The following SLC4A4 variants were observed in gnomAD, a reference collection of about 807,000 sequenced individuals.
SLC4A4 encodes the protein electrogenic sodium bicarbonate cotransporter 1.
A neutral mutation model predicts 111.5 loss-of-function variants in SLC4A4; 27 were observed. That is an observed-to-expected ratio of 0.24 (90% CI 0.18 to 0.33). The LOEUF is 0.33. SLC4A4 is among the 10% of genes least tolerant of loss of function. SLC4A4 has a pLI of 1.00. For synonymous variants in SLC4A4, 443 were observed against 463.4 expected (o/e 0.96, Z 0.57); for missense variants, 909 against 1,315.5 (o/e 0.69, Z 4.78).
At chr4:71,518,939 T>C (rs1383676157) in intron 16 of SLC4A4, among the ~76,000 whole-genome samples, 1 of 152,152 alleles carries the variant, frequency 6.6e-6, no homozygotes, top group Non-Finnish European at 1.5e-5. Context: ...CTGGTGTTGG[T>C]GTCCAAGGCA....
intron 1 of SLC4A4, chr4:71,235,952 C>A: frequency 2.5e-6 from 2 of 786,472 alleles, no homozygotes; most frequent in Non-Finnish European, 3.1e-6. Flanking sequence ...CTGGATAATC[C>A]TCAGATGTCA....
At chr4:71,230,954 G>GCA (rs1719383939) in intron 1 of SLC4A4, among the ~76,000 whole-genome samples, 1 of 152,350 alleles carries the variant, frequency 6.6e-6, no homozygotes, top group African/African-American at 2.4e-5. Context: ...CGGTAAAGCA[G>GCA]CAGGCTTTTT....
intron 2 of SLC4A4, among the ~76,000 whole-genome samples, chr4:71,121,816 A>T (rs1041045841): frequency 6.6e-6 from 1 of 152,104 alleles, no homozygotes; most frequent in Non-Finnish European, 1.5e-5. Context: ...CTTTGCAATA[A>T]ATCTCGCTGC....
At chr4:71,175,258 A>G (rs567828064) in intron 2 of SLC4A4, among the ~76,000 whole-genome samples, 1 of 152,378 alleles carries the variant, frequency 6.6e-6, no homozygotes, top group South Asian at 2.1e-4. Flanking sequence ...TACAGCTTCC[A>G]GCATGAGTGA....
chr4:71,414,636 A>G (rs1721680969), intron 7 of SLC4A4, among the ~76,000 whole-genome samples: 1 of 152,194 alleles, frequency 6.6e-6, no homozygotes, highest in Non-Finnish European at 1.5e-5. Flanking sequence ...AAGAGAATGC[A>G]TGTAAAACAA....
upstream of SLC4A4, among the ~76,000 whole-genome samples, chr4:71,184,366 T>C (rs574864523): frequency 6.6e-6 from 1 of 152,204 alleles, no homozygotes; most frequent in Non-Finnish European, 1.5e-5. Flanking sequence ...AGAGACATTA[T>C]GTCGTCATCA....
At chr4:71,426,941 G>A (rs890749306) in intron 7 of SLC4A4, among the ~76,000 whole-genome samples, 1 of 151,916 alleles carries the variant, frequency 6.6e-6, no homozygotes, top group East Asian at 1.9e-4. Context: ...CCCCACCAAG[G>A]GAGTGCTACA....
At chr4:71,490,319 T>C (rs1475270506) in intron 15 of SLC4A4, among the ~76,000 whole-genome samples, 2 of 151,868 alleles carry the variant, frequency 1.3e-5, no homozygotes, top group Admixed American at 6.6e-5. Context: ...TATTTTGTTT[T>C]TCCACATCAG....
chr4:71,201,311 C>T (rs1424272589), intron 1 of SLC4A4, among the ~76,000 whole-genome samples: 4 of 152,140 alleles, frequency 2.6e-5, no homozygotes, highest in African/African-American at 9.7e-5. Flanking sequence ...CCTCTTTATC[C>T]CACAACAACT....
At chr4:71,249,925 G>A (rs568928070) in intron 2 of SLC4A4, among the ~76,000 whole-genome samples, 1 of 152,142 alleles carries the variant, frequency 6.6e-6, no homozygotes, top group East Asian at 1.9e-4. Context: ...AAGTGTTTAG[G>A]ATTATACATA....
At chr4:71,390,056 G>A (rs1186062609) in intron 6 of SLC4A4, among the ~76,000 whole-genome samples, 3 of 152,056 alleles carry the variant, frequency 2.0e-5, no homozygotes, top group Admixed American at 1.3e-4. Flanking sequence ...CTTTTATTTA[G>A]GGTGTGGGGG....
chr4:71,417,014 G>A (rs1244727866), intron 7 of SLC4A4, among the ~76,000 whole-genome samples: 1 of 152,052 alleles, frequency 6.6e-6, no homozygotes, highest in Non-Finnish European at 1.5e-5. Flanking sequence ...TTCTGAAGTC[G>A]ACTACCACGA....
At chr4:71,077,674 G>C (rs1459029193) in intron 1 of SLC4A4, among the ~76,000 whole-genome samples, 1 of 152,098 alleles carries the variant, frequency 6.6e-6, no homozygotes. Context: ...AGAAAGTTTG[G>C]CTACAGGCTA....
chr4:71,173,272 G>C (rs1744991995), intron 2 of SLC4A4, among the ~76,000 whole-genome samples: 1 of 152,194 alleles, frequency 6.6e-6, no homozygotes, highest in Admixed American at 6.5e-5. Context: ...TGTAGGTATT[G>C]ATATCAGTAT....
intron 12 of SLC4A4, among the ~76,000 whole-genome samples, chr4:71,457,775 T>A (rs1726423037): frequency 6.6e-6 from 1 of 152,068 alleles, no homozygotes; most frequent in African/African-American, 2.4e-5. Flanking sequence ...CATTCCTCGA[T>A]ATCAGCAGAG....
chr4:71,087,980 C>G (rs1292493951), intron 1 of SLC4A4, among the ~76,000 whole-genome samples: 1 of 151,792 alleles, frequency 6.6e-6, no homozygotes, highest in Non-Finnish European at 1.5e-5. Context: ...CTGTCTCATT[C>G]ATCTGTCTAA....
At chr4:71,382,876 G>A (rs1220080612) in intron 6 of SLC4A4, among the ~76,000 whole-genome samples, 2 of 152,170 alleles carry the variant, frequency 1.3e-5, no homozygotes, top group Non-Finnish European at 2.9e-5. Context: ...TTCTAGTAGT[G>A]CTGTACTGGG....
At chr4:71,309,301 A>G (rs1725945911) in intron 3 of SLC4A4, among the ~76,000 whole-genome samples, 1 of 152,150 alleles carries the variant, frequency 6.6e-6, no homozygotes, top group South Asian at 2.1e-4. Flanking sequence ...GGACTTAAAC[A>G]TTCCTGCCTG....
chr4:71,253,137 G>C (rs1279632197), intron 2 of SLC4A4, among the ~76,000 whole-genome samples: 3 of 152,080 alleles, frequency 2.0e-5, no homozygotes, highest in African/African-American at 7.2e-5. Context: ...GAACAAAATG[G>C]CACCACTTAT....
Sources: allele counts gnomAD v4.1 joint callset (sites outside exome capture counted in the v4.1 genomes callset), GRCh38; gene constraint gnomAD v4.1.1; transcripts MANE v1.5; gene names NCBI Gene and HGNC (gene_info 2026-07-23, HGNC 2026-07-21).